Variants in CNTLN observed in about 807,000 individuals in gnomAD.
CNTLN encodes centlein, also known as centlein, centrosomal protein.
CNTLN carries 212 observed loss-of-function variants against 180.0 expected under a neutral mutation model. The ratio of observed to expected loss-of-function variants is 1.18; its 90% CI spans 1.05 to 1.32. The LOEUF is 1.32. CNTLN is among the 40% of genes most tolerant of loss of function. The pLI, the probability that CNTLN is intolerant of heterozygous loss-of-function variation, is 0.00. For missense variants in CNTLN, 2,095 were observed against 1,610.9 expected, an observed-to-expected ratio of 1.30 and a Z score of -5.14; for synonymous variants, 722 against 563.1, an observed-to-expected ratio of 1.28 and a Z score of -3.99.
At chr9:17,214,236 G>A (rs543495382) in intron 2 of CNTLN, among the ~76,000 whole-genome samples, 1 of 152,128 alleles carries the variant, frequency 6.6e-6, no homozygotes, top group Admixed American at 6.5e-5. Context: ...AGGAGGTCTT[G>A]TAGGGCAGGC....
intron 18 of CNTLN, among the ~76,000 whole-genome samples, chr9:17,437,473 C>T (rs1023686333): frequency 6.6e-6 from 1 of 152,036 alleles, no homozygotes; most frequent in African/African-American, 2.4e-5. Context: ...CTGGTAGTGT[C>T]CTGATTTTTT....
At chr9:17,379,451 C>T (rs1825049860) in intron 13 of CNTLN, among the ~76,000 whole-genome samples, 1 of 152,048 alleles carries the variant, frequency 6.6e-6, no homozygotes, top group South Asian at 2.1e-4. Context: ...GGTATGTCTC[C>T]TTAATTTAGG....
chr9:17,265,209 C>T (rs1184934263), intron 5 of CNTLN, among the ~76,000 whole-genome samples: 1 of 150,590 alleles, frequency 6.6e-6, no homozygotes, highest in Non-Finnish European at 1.5e-5. Context: ...TTTTGAAATA[C>T]GTCCCATCAA....
At chr9:17,434,352 T>C (rs1223641057) in intron 18 of CNTLN, among the ~76,000 whole-genome samples, 2 of 152,072 alleles carry the variant, frequency 1.3e-5, no homozygotes, top group Non-Finnish European at 2.9e-5. Context: ...CTGATATAAC[T>C]GTTTAGTGCT....
At chr9:17,311,451 G>GTTTTTTT (rs112794584) in intron 8 of CNTLN, among the ~76,000 whole-genome samples, 1 of 133,814 alleles carries the variant, frequency 7.5e-6, no homozygotes, top group African/African-American at 2.7e-5. Context: ...GGGTTTTTCT[G>GTTTTTTT]TTTTTTTTTT....
intron 1 of CNTLN, among the ~76,000 whole-genome samples, chr9:17,137,299 A>C (rs1817786732): frequency 6.6e-6 from 1 of 151,932 alleles, no homozygotes; most frequent in Non-Finnish European, 1.5e-5. Flanking sequence ...GTCAAATCAG[A>C]CTCCTGCTCT....
intron 2 of CNTLN, among the ~76,000 whole-genome samples, chr9:17,184,450 C>T (rs1821310331): frequency 6.6e-6 from 1 of 152,046 alleles, no homozygotes; most frequent in Admixed American, 6.6e-5. Flanking sequence ...ATACGTTATG[C>T]ATAAGATGTT....
chr9:17,366,700 T>C lies in CNTLN; in HGVS notation c.1970T>C (p.Val657Ala), dbSNP rs2133440480. The C allele has an allele frequency of 1.3e-6, 2 of 1,572,030 alleles. No individual in the cohort carries two copies. Among genetic ancestry groups the C allele is most frequent in the Non-Finnish European group, 8.7e-7 (1 of 1,152,670 alleles). The change falls in exon 13 of 26, where the codon GTG becomes GCG. Residue 657 changes from valine (V) to alanine (A), a missense_variant. By Grantham distance (64) the Val-to-Ala change is moderately conservative. Coordinates refer to ENST00000380647, the MANE Select transcript of CNTLN (RefSeq NM_017738.4). ...KAAIQELNRC[V>A]AERREEQLFR... The stretch of plus-strand genomic sequence containing the variant: ...GCAATACAAGAATTGAATAGATGTG[T>C]GGCAGAGAGAAGAGAAGGTAAATTT...
At chr9:17,184,971 A>G (rs1821342060) in intron 2 of CNTLN, among the ~76,000 whole-genome samples, 1 of 152,216 alleles carries the variant, frequency 6.6e-6, no homozygotes, top group African/African-American at 2.4e-5. Context: ...TCCTCTAATT[A>G]AGTCTCAGAA....
intron 20 of CNTLN, among the ~76,000 whole-genome samples, chr9:17,463,736 C>G (rs1390953598): frequency 6.6e-6 from 1 of 151,520 alleles, no homozygotes; most frequent in Non-Finnish European, 1.5e-5. Context: ...GTAAGTCTTG[C>G]TTATTGTTTA....
At chr9:17,491,927 GAA>G (rs1161311083) in intron 25 of CNTLN, among the ~76,000 whole-genome samples, 5,876 of 152,016 alleles carry the variant, frequency 0.039, 383 homozygotes, top group African/African-American at 0.13. Flanking sequence ...AAGGTTAACT[GAA>G]AGTTTCTCCT....
intron 2 of CNTLN, among the ~76,000 whole-genome samples, chr9:17,194,642 T>G (rs991938457): frequency 3.3e-5 from 5 of 152,138 alleles, no homozygotes; most frequent in Middle Eastern, 3.2e-3. Context: ...TTTCCCAAAT[T>G]TTCCTGTCTT....
intron 23 of CNTLN, among the ~76,000 whole-genome samples, chr9:17,474,553 G>C (rs1047392437): frequency 6.6e-6 from 1 of 152,094 alleles, no homozygotes; most frequent in African/African-American, 2.4e-5. Context: ...TTCTCCATCT[G>C]TTGGCAGAAT....
At chr9:17,214,846 G>A (rs1243386045) in intron 2 of CNTLN, among the ~76,000 whole-genome samples, 1 of 152,034 alleles carries the variant, frequency 6.6e-6, no homozygotes, top group Non-Finnish European at 1.5e-5. Context: ...TGATCAAATT[G>A]GCTACTGAAA....
intron 23 of CNTLN, among the ~76,000 whole-genome samples, chr9:17,480,081 T>C (rs999143159): frequency 6.6e-6 from 1 of 152,048 alleles, no homozygotes; most frequent in Non-Finnish European, 1.5e-5. Flanking sequence ...ATCCCAACAC[T>C]TTTCAAGGCC....
chr9:17,277,115 C>T (rs1227727906), intron 6 of CNTLN, among the ~76,000 whole-genome samples: 1 of 136,498 alleles, frequency 7.3e-6, no homozygotes, highest in Non-Finnish European at 1.6e-5. Flanking sequence ...AGTTCATAGT[C>T]ATTTATATTT....
At chr9:17,426,966 C>T (rs1324033320) in intron 18 of CNTLN, among the ~76,000 whole-genome samples, 1 of 152,134 alleles carries the variant, frequency 6.6e-6, no homozygotes, top group East Asian at 1.9e-4. Flanking sequence ...TATAAACATT[C>T]CCAGTAGAGA....
At chr9:17,420,187 T>C (rs955627533) in intron 18 of CNTLN, among the ~76,000 whole-genome samples, 2 of 152,178 alleles carry the variant, frequency 1.3e-5, no homozygotes, top group African/African-American at 2.4e-5. Flanking sequence ...AGTGTAGCCA[T>C]TGGGTCCTGG....
chr9:17,217,167 G>T (rs775626620), intron 2 of CNTLN, among the ~76,000 whole-genome samples: 2 of 152,198 alleles, frequency 1.3e-5, no homozygotes, highest in Non-Finnish European at 2.9e-5. Flanking sequence ...TTAAATAATT[G>T]TGAGATTATA....
Sources: gnomAD v4.1 joint callset for allele counts (sites outside exome capture counted in the v4.1 genomes callset) on GRCh38, gnomAD v4.1.1 for gene constraint, MANE v1.5 for transcripts, NCBI Gene and HGNC (gene_info 2026-07-23, HGNC 2026-07-21) for gene names.